Variants in SUPT20H observed in about 807,000 individuals in gnomAD.
The protein encoded by SUPT20H is transcription factor SPT20 homolog.
In SUPT20H, 82 loss-of-function variants were observed where a neutral mutation model predicts 122.8. That is an observed-to-expected ratio of 0.67 (90% CI 0.56 to 0.80). The LOEUF (loss-of-function observed/expected upper bound fraction) is 0.80. SUPT20H is among the 30% of genes least tolerant of loss of function. The pLI is 0.00. For synonymous variants in SUPT20H, 291 were observed against 313.0 expected (o/e 0.93, Z 0.74); for missense variants, 831 against 921.6 (o/e 0.90, Z 1.27).
chr13:37,010,457 A>T, intron 25 of SUPT20H, 95 bp downstream of exon 25: 1 of 1,130,166 alleles, frequency 8.8e-7, no homozygotes, highest in Non-Finnish European at 1.3e-6. Flanking sequence ...TACAGTCTTA[A>T]AAGACAGTAA....
Position 37,009,394 on chromosome 13 carries a change from T to C in SUPT20H, c.*278A>G, listed in dbSNP as rs1396218258. 4 of 762,858 alleles carry C rather than the reference T, an allele frequency of 5.2e-6. No individual in the cohort carries two copies. The highest frequency in any genetic ancestry group is 2.7e-5 in the Admixed American group (1 of 36,524). The allele number at this position is 762,858 out of a possible 1,614,324, so 47.3% of individuals were successfully genotyped here. On this transcript the variant is annotated 3_prime_UTR_variant, in exon 26 of 26. Coordinates refer to ENST00000350612, the MANE Select transcript of SUPT20H (RefSeq NM_001014286.3). ...ACTAAATAAATATCAAACTACATTCTTCTGAAAGATGTTTCTATTATTTCT... is the reference window on the plus strand; with the variant it reads ...ACTAAATAAATATCAAACTACATTCCTCTGAAAGATGTTTCTATTATTTCT...
rs1594592626 is a variant in SUPT20H at position 37,054,154 on chromosome 13, A to C, written c.-93-2571T>G. On this transcript the variant is annotated intron_variant, in intron 1 of 25. Coordinates refer to ENST00000350612, the MANE Select transcript of SUPT20H (RefSeq NM_001014286.3). Reference sequence around the variant, plus strand: ...GCTTACCAACCAAAAAAAGTCCAGGACCAGATGGATTCACAGCCGAATTCT... The same window carrying C: ...GCTTACCAACCAAAAAAAGTCCAGGCCCAGATGGATTCACAGCCGAATTCT... 2.0e-5 allele frequency among the ~76,000 whole-genome samples: 3 copies of C among 152,202 alleles called. No homozygotes were observed. The South Asian group carries it at 6.2e-4, about 31-fold the overall frequency.
In SUPT20H at chr13:37,024,195, T is replaced by G. The variant is rs1223464352; in HGVS notation, c.1433-2A>C. On this transcript the variant is annotated splice_acceptor_variant, in intron 18 of 25. Transcript: ENST00000350612. LOFTEE classifies it high-confidence loss of function. ...TCTGTTGTGGTGTAAAATAGTTACC[T>G]AGAAGAACATAAAAGTTATTTCCTA... 1.2e-6 allele frequency: 2 copies of G among 1,602,548 alleles called. No homozygotes were observed. Among genetic ancestry groups the G allele is most frequent in the Non-Finnish European group, 1.7e-6 (2 of 1,175,952 alleles).
chr13:37,029,410 TC>T (rs1440658791), intron 13 of SUPT20H, among the ~76,000 whole-genome samples: 5 of 152,028 alleles, frequency 3.3e-5, no homozygotes, highest in Admixed American at 2.0e-4. Context: ...GTGCCTGTAA[TC>T]CTAGCTACTC....
rs142712488 is a variant in SUPT20H at position 37,050,775 on chromosome 13, A to T, written c.3+713T>A. On this transcript the variant is annotated intron_variant, in intron 2 of 25. Coordinates refer to ENST00000350612, the MANE Select transcript of SUPT20H (RefSeq NM_001014286.3). ...AAGGTGTTGTCAGAACCCCACTGTGATACTTCTACTTTTCTCTAATAGGGG... is the reference window on the plus strand; with the variant it reads ...AAGGTGTTGTCAGAACCCCACTGTGTTACTTCTACTTTTCTCTAATAGGGG... Among the ~76,000 whole-genome samples the T allele has an allele frequency of 4.8e-3, 735 of 152,324 alleles. 16 individuals are homozygous for T. The highest frequency in any genetic ancestry group is 0.034 in the Admixed American group (519 of 15,300).
chr13:37,048,756 A>G (rs1159513589), intron 2 of SUPT20H, among the ~76,000 whole-genome samples, 157 bp from the exon 3 acceptor site: 1 of 152,182 alleles, frequency 6.6e-6, no homozygotes, highest in Non-Finnish European at 1.5e-5. Flanking sequence ...TATATAACAA[A>G]GAAAAAATAT....
At chr13:37,017,418 A>G in intron 22 of SUPT20H, 54 bp from the exon 23 acceptor site, 2 of 1,487,922 alleles carry the variant, frequency 1.3e-6, no homozygotes, top group Non-Finnish European at 1.8e-6. Context: ...TATATCAAAT[A>G]TTTAAATTTA....
At chr13:37,039,812 G>A (rs1466424279) in intron 9 of SUPT20H, 1 of 152,102 alleles carries the variant, frequency 6.6e-6, no homozygotes, top group Non-Finnish European at 1.5e-5. Flanking sequence ...GTTCTTCAGG[G>A]GTGGACTAAA....
chr13:37,031,699 T>G, intron 11 of SUPT20H, 40 bp downstream of exon 11: 1 of 1,555,120 alleles, frequency 6.4e-7, no homozygotes, highest in African/African-American at 1.4e-5. Flanking sequence ...AAGACAGGCT[T>G]TTGGGCATAA....
intron 9 of SUPT20H, among the ~76,000 whole-genome samples, chr13:37,035,588 C>T (rs1924426): frequency 0.93 from 140,774 of 151,828 alleles, 65,364 homozygotes; most frequent in East Asian, 1. Context: ...TGGCGTGATC[C>T]AGGCTCACTG....
rs753351973 is a variant in SUPT20H, at chr13:37,031,824, TGAG to T, written c.776_778del (p.Pro259del). On this transcript the variant is annotated inframe_deletion, in exon 11 of 26. Transcript: ENST00000350612. The stretch of plus-strand genomic sequence containing the variant: ...TTGTAAGAAATCAAGTAACCTCAGC[TGAG>T]GAGGAGGTGGACAATGAGATAGATC... 28 of 1,611,038 alleles carry T rather than the reference TGAG, an allele frequency of 1.7e-5. No homozygotes were observed. The highest frequency in any genetic ancestry group is 1.2e-4 in the South Asian group (11 of 90,406).
chr13:37,036,913 C>T (rs866366300), intron 9 of SUPT20H, among the ~76,000 whole-genome samples: 2 of 151,940 alleles, frequency 1.3e-5, no homozygotes, highest in African/African-American at 4.8e-5. Flanking sequence ...ACATGTTAAT[C>T]GCCAGGCATG....
At chr13:37,011,001 A>G (rs1160569858) in intron 24 of SUPT20H, 1 of 173,682 alleles carries the variant, frequency 5.8e-6, no homozygotes, top group Non-Finnish European at 1.2e-5. Context: ...GAGAAGGGAG[A>G]TGGAAGAAAT....
chr13:37,044,610 A>G (rs1442015484), intron 6 of SUPT20H, among the ~76,000 whole-genome samples: 1 of 152,192 alleles, frequency 6.6e-6, no homozygotes, highest in Non-Finnish European at 1.5e-5. Context: ...CAACACACAC[A>G]CAAAATTCCA....
Position 37,017,320 on chromosome 13 carries a change from T to TTGC in SUPT20H, c.1914_1916dup (p.Gln641dup). On this transcript the variant is annotated inframe_insertion, in exon 23 of 26. Transcript: ENST00000350612. ...GTGGTGTAAACTGGGAGAGCTGCTG[T>TTGC]TGCTGCTGCTGCAGAGTGTTAAAAA... 2 of 1,613,952 alleles carry TTGC rather than the reference T, an allele frequency of 1.2e-6. No individual in the cohort carries two copies. Among genetic ancestry groups the TTGC allele is most frequent in the Non-Finnish European group, 1.7e-6 (2 of 1,179,958 alleles).
Position 37,016,879 on chromosome 13 carries a change from A to G in SUPT20H, c.1992+366T>C, listed in dbSNP as rs556548968. Among the ~76,000 whole-genome samples, 119 of 152,250 alleles carry G rather than the reference A, an allele frequency of 7.8e-4. 2 individuals carry two copies. The South Asian group carries it at 0.024, about 31-fold the overall frequency. On this transcript the variant is annotated intron_variant, in intron 23 of 25. Coordinates refer to ENST00000350612, the MANE Select transcript of SUPT20H (RefSeq NM_001014286.3). ...TGCCCTACATTTTATGATAATAGGG[A>G]TATCTTTATTCCAATAGCAACAAAA...
chr13:37,026,053 A>T, intron 16 of SUPT20H, 151 bp downstream of exon 16: 1 of 521,294 alleles, frequency 1.9e-6, no homozygotes, highest in Non-Finnish European at 3.3e-6. Flanking sequence ...CCCTAATTTT[A>T]CAACAGAGAC....
At chr13:37,043,264 T>C (rs1290435744) in intron 7 of SUPT20H, among the ~76,000 whole-genome samples, 3 of 152,238 alleles carry the variant, frequency 2.0e-5, no homozygotes, top group Non-Finnish European at 2.9e-5. Context: ...GTAGGGATGC[T>C]AGTCGACTGG....
rs772581609 is a variant in SUPT20H at position 37,026,251 on chromosome 13, GA to G, written c.1179-16del. On this transcript the variant is annotated splice_polypyrimidine_tract_variant and intron_variant, in intron 15 of 25. Transcript: ENST00000350612. ...CAATAATGAACCTAAAATGTTTAAG[GA>G]AAAAAAAGGAGAGAAAAGTATTAGG... is the stretch of plus-strand genomic sequence containing the variant. 3.2e-5 allele frequency: 48 copies of G among 1,478,208 alleles called. No homozygotes were observed. Among genetic ancestry groups the G allele is most frequent in the South Asian group, 1.9e-4 (13 of 69,626 alleles). 91.6% of individuals were successfully genotyped at this position (1,478,208 alleles called of 1,614,324 possible).
Sources: allele counts gnomAD v4.1 joint callset (sites outside exome capture counted in the v4.1 genomes callset), GRCh38; gene constraint gnomAD v4.1.1; transcripts MANE v1.5; gene names NCBI Gene and HGNC (gene_info 2026-07-23, HGNC 2026-07-21).